SKAP1: variants seen among roughly 807,000 people sequenced by gnomAD.
SKAP1 encodes the protein src kinase-associated phosphoprotein 1.
In SKAP1, 44 loss-of-function variants were observed where a neutral mutation model predicts 58.5. The observed-to-expected ratio is 0.75, with a 90% confidence interval of 0.59 to 0.97. The LOEUF is 0.97. Among genes scored for constraint, SKAP1 ranks in the 50% least tolerant of loss-of-function variants. The pLI is 0.00. For missense variants in SKAP1, 390 were observed against 435.2 expected, an observed-to-expected ratio of 0.90 and a Z score of 0.92; for synonymous variants, 127 against 149.7, an observed-to-expected ratio of 0.85 and a Z score of 1.11.
At chr17:48,401,773 A>C (rs1191388799) in intron 1 of SKAP1, among the ~76,000 whole-genome samples, 1 of 152,204 alleles carries the variant, frequency 6.6e-6, no homozygotes, top group South Asian at 2.1e-4. Context: ...ATAGACAAAC[A>C]AGGCATCATC....
chr17:48,171,093 G>GTTTTTTTTTTT (rs71141969), intron 9 of SKAP1, among the ~76,000 whole-genome samples: 1 of 70,256 alleles, frequency 1.4e-5, no homozygotes, highest in African/African-American at 5.9e-5. Flanking sequence ...AATTACTGTT[G>GTTTTTTTTTTT]TTTTTTTTTT....
intron 4 of SKAP1, among the ~76,000 whole-genome samples, chr17:48,247,451 A>G (rs901307358): frequency 2.0e-5 from 3 of 152,222 alleles, no homozygotes; most frequent in African/African-American, 7.2e-5. Flanking sequence ...TAAGCCCAAT[A>G]CAATTTGTTT....
chr17:48,234,201 T>C (rs955080044), intron 4 of SKAP1, among the ~76,000 whole-genome samples: 3 of 152,246 alleles, frequency 2.0e-5, no homozygotes, highest in Admixed American at 6.5e-5. Context: ...TCTCCAATGA[T>C]AGCTCCACTA....
chr17:48,278,391 A>T (rs1268148373), intron 4 of SKAP1, among the ~76,000 whole-genome samples: 1 of 152,246 alleles, frequency 6.6e-6, no homozygotes, highest in Non-Finnish European at 1.5e-5. Context: ...AATAAATTAC[A>T]TGTATATAAT....
rs560415971 is a variant in SKAP1 at position 48,155,379 on chromosome 17, C to T, written c.978+7090G>A. Among the ~76,000 whole-genome samples, 150 of 151,564 alleles carry T rather than the reference C, an allele frequency of 9.9e-4. 1 individual carries two copies. Among genetic ancestry groups the T allele is most frequent in the African/African-American group, 2.9e-3 (119 of 41,424 alleles). On this transcript the variant is annotated intron_variant, in intron 11 of 12. Transcript: ENST00000336915. ...CTGACCTCAGGCAATCCACCTGCCT[C>T]GGCCTCCCAAAGTGCTGGGTGAGCC...
At chr17:48,323,444 A>G (rs1262811813) in intron 4 of SKAP1, among the ~76,000 whole-genome samples, 1 of 152,138 alleles carries the variant, frequency 6.6e-6, no homozygotes, top group African/African-American at 2.4e-5. Context: ...CACTTAGATC[A>G]TTAGAAAGTT....
intron 4 of SKAP1, among the ~76,000 whole-genome samples, chr17:48,224,027 AG>A (rs2065034569): frequency 8.6e-6 from 1 of 115,954 alleles, no homozygotes; most frequent in African/African-American, 3.2e-5. Flanking sequence ...AGAGAGAGAG[AG>A]AGAGAGAAGA....
At chr17:48,356,240 A>G (rs137984689) in intron 3 of SKAP1, among the ~76,000 whole-genome samples, 3,735 of 152,248 alleles carry the variant, frequency 0.025, 144 homozygotes, top group African/African-American at 0.083. Flanking sequence ...CCTAGGTGAC[A>G]GAGCGAGATT....
intron 4 of SKAP1, among the ~76,000 whole-genome samples, chr17:48,282,427 T>C (rs2065778461): frequency 6.6e-6 from 1 of 152,332 alleles, no homozygotes; most frequent in Admixed American, 6.5e-5. Flanking sequence ...TCCTTCACCC[T>C]GTTCCCTCAA....
chr17:48,293,663 A>G (rs2065926530), intron 4 of SKAP1, among the ~76,000 whole-genome samples: 1 of 152,208 alleles, frequency 6.6e-6, no homozygotes, highest in Admixed American at 6.5e-5. Flanking sequence ...TAATGATAGC[A>G]TCTATAATAC....
At chr17:48,434,288 A>G (rs2067931007), upstream of SKAP1, among the ~76,000 whole-genome samples, 1 of 152,212 alleles carries the variant, frequency 6.6e-6, no homozygotes, top group African/African-American at 2.4e-5. Context: ...AACCAGGCTC[A>G]CTGTATGTTT....
chr17:48,146,091 C>G (rs904874668), intron 11 of SKAP1, among the ~76,000 whole-genome samples: 3 of 152,090 alleles, frequency 2.0e-5, no homozygotes, highest in Non-Finnish European at 2.9e-5. Context: ...TACCAGCCGG[C>G]ACTCTATGGG....
At chr17:48,440,076 C>T in the SKAP1 span, among the ~76,000 whole-genome samples, 1 of 152,192 alleles carries the variant, frequency 6.6e-6, no homozygotes, top group Non-Finnish European at 1.5e-5. Flanking sequence ...GCTGATAGTT[C>T]AGCAATGCGG....
intron 11 of SKAP1, among the ~76,000 whole-genome samples, chr17:48,160,471 G>GTTT (rs56322708): frequency 1.4e-5 from 2 of 145,758 alleles, no homozygotes; most frequent in Admixed American, 6.8e-5. Context: ...AGGGGAAGAG[G>GTTT]TTTTTTTTTT....
intron 4 of SKAP1, among the ~76,000 whole-genome samples, chr17:48,276,555 C>A (rs1218299404): frequency 6.6e-6 from 1 of 152,148 alleles, no homozygotes; most frequent in South Asian, 2.1e-4. Context: ...GGTGATGCTG[C>A]TATAATGATG....
intron 2 of SKAP1, among the ~76,000 whole-genome samples, chr17:48,372,584 C>T (rs1167835228): frequency 2.0e-5 from 3 of 152,166 alleles, no homozygotes; most frequent in Non-Finnish European, 2.9e-5. Flanking sequence ...GGATTACAGG[C>T]GTGAGCCACC....
At chr17:48,153,794 C>T (rs2063934343) in intron 11 of SKAP1, among the ~76,000 whole-genome samples, 1 of 151,274 alleles carries the variant, frequency 6.6e-6, no homozygotes, top group African/African-American at 2.4e-5. Context: ...AACCCCCCAC[C>T]CATCCCCCAC....
At chr17:48,308,761 T>G (rs2066181917) in intron 4 of SKAP1, 1 of 152,158 alleles carries the variant, frequency 6.6e-6, no homozygotes, top group African/African-American at 2.4e-5. Flanking sequence ...TTTCCTTATC[T>G]GTAAAATGGA....
chr17:48,385,954 G>A (rs2144497825), intron 2 of SKAP1, among the ~76,000 whole-genome samples: 1 of 152,268 alleles, frequency 6.6e-6, no homozygotes, highest in East Asian at 1.9e-4. Flanking sequence ...TCTCAAAGAT[G>A]GCTGGAATGC....
Sources: gnomAD v4.1 joint callset for allele counts (sites outside exome capture counted in the v4.1 genomes callset) on GRCh38, gnomAD v4.1.1 for gene constraint, MANE v1.5 for transcripts, NCBI Gene and HGNC (gene_info 2026-07-23, HGNC 2026-07-21) for gene names.